The following PLB1 variants were observed in gnomAD, a reference collection of about 807,000 sequenced individuals.
The protein encoded by PLB1 is phospholipase B1, also known as phospholipase B1, membrane-associated.
In PLB1, 242 loss-of-function variants were observed where a neutral mutation model predicts 227.4. The ratio of observed to expected loss-of-function variants is 1.06; its 90% CI spans 0.96 to 1.18. The LOEUF (loss-of-function observed/expected upper bound fraction) is 1.18, where lower values mean the gene tolerates loss of function less well. Ranked by LOEUF, PLB1 falls within the 50% of genes most tolerant of loss-of-function variation. The pLI is 0.00. For missense variants in PLB1, 1,858 were observed against 1,816.3 expected (o/e 1.02, Z -0.42); for synonymous variants, 757 against 682.2 (o/e 1.11, Z -1.71).
intron 19 of PLB1, 27 bp from the exon 20 acceptor site, chr2:28,566,769 A>AT (rs1558777712): frequency 6.2e-7 from 1 of 1,613,528 alleles, no homozygotes; most frequent in East Asian, 2.2e-5. Flanking sequence ...TTAACCCTTC[A>AT]TTTTCTTTCT....
In PLB1 at chr2:28,601,469, C is replaced by CAACACACACACACACACACA. The variant is rs141173438; in HGVS notation, c.2607+137_2607+138insAACACACACACACACACACA. On this transcript the variant is annotated intron_variant, in intron 37 of 57. Transcript: ENST00000327757. ...ACCTATGTCTGCACATATACACATA[C>CAACACACACACACACACACA]CACACACACACACACACACACACAC... 3.7e-5 allele frequency: 22 copies of CAACACACACACACACACACA among 600,184 alleles called. No individual in the cohort carries two copies. In the African/African-American group the frequency reaches 3.7e-4, roughly 10 times the overall value. The allele number at this position is 600,184 out of a possible 1,614,324, so 37.2% of individuals were successfully genotyped here.
rs147097235 is a variant in PLB1, at chr2:28,585,811, C to T, written c.1784C>T (p.Ala595Val). Residue 595 changes from alanine (A) to valine (V), a missense_variant, in exon 26 of 58, where the codon GCT (alanine) becomes GTT (valine). Coordinates refer to ENST00000327757, the MANE Select transcript of PLB1 (RefSeq NM_153021.5). Reference sequence around the variant, plus strand: ...TTTGATGATAACTCAACAGAACTTGCTACCCTCATCGAATTCAACAAGAAG... The same window carrying T: ...TTTGATGATAACTCAACAGAACTTGTTACCCTCATCGAATTCAACAAGAAG... ...LKFDDNSTEL[A>V]TLIEFNKKFQ... The T allele has an allele frequency of 6.2e-7, 1 of 1,612,088 alleles. No individual in the cohort carries two copies. The highest frequency in any genetic ancestry group is 1.7e-5 in the Admixed American group (1 of 59,996).
At chr2:28,564,322 C>T (rs953956546) in intron 18 of PLB1, among the ~76,000 whole-genome samples, 2 of 152,194 alleles carry the variant, frequency 1.3e-5, no homozygotes, top group African/African-American at 4.8e-5. Flanking sequence ...GAGCCAGGAT[C>T]ACAAATCAGG....
At chr2:28,506,711 G>A (rs999534533) in intron 1 of PLB1, among the ~76,000 whole-genome samples, 1 of 152,160 alleles carries the variant, frequency 6.6e-6, no homozygotes, top group Non-Finnish European at 1.5e-5. Flanking sequence ...CATGACGCAA[G>A]TGGTATTTTG....
chr2:28,611,387 C>T (rs112765484), intron 43 of PLB1, among the ~76,000 whole-genome samples: 1 of 152,196 alleles, frequency 6.6e-6, no homozygotes, highest in African/African-American at 2.4e-5. Context: ...GGACTGACTC[C>T]AGCCCCTGGA....
At chr2:28,617,899 T>G (rs1686426411) in intron 45 of PLB1, 112 bp downstream of exon 45, 3 of 1,094,652 alleles carry the variant, frequency 2.7e-6, no homozygotes, top group Non-Finnish European at 4.2e-6. Flanking sequence ...CTAATTCCCC[T>G]GCAGTGCAGA....
At chr2:28,540,988 T>C (rs1672398565) in intron 12 of PLB1, among the ~76,000 whole-genome samples, 1 of 151,924 alleles carries the variant, frequency 6.6e-6, no homozygotes, top group African/African-American at 2.4e-5. Context: ...CTGGGCAACA[T>C]AGTGAAACCT....
intron 15 of PLB1, 52 bp from the exon 16 acceptor site, chr2:28,549,958 A>C: frequency 6.8e-7 from 1 of 1,469,090 alleles, no homozygotes; most frequent in South Asian, 1.2e-5. Context: ...CTGATAATTA[A>C]GGGATACAGA....
intron 50 of PLB1, 131 bp downstream of exon 50, chr2:28,625,239 G>T: frequency 1.2e-6 from 1 of 852,716 alleles, no homozygotes; most frequent in Non-Finnish European, 1.8e-6. Flanking sequence ...CCTCGGAGAA[G>T]CAGTCCTTAC....
intron 11 of PLB1, 35 bp from the exon 12 acceptor site, chr2:28,540,331 C>A (rs779177007): frequency 3.1e-6 from 5 of 1,590,488 alleles, no homozygotes; most frequent in Non-Finnish European, 4.3e-6. Context: ...CACACTGCCT[C>A]CCCTCTCTCA....
intron 21 of PLB1, among the ~76,000 whole-genome samples, chr2:28,577,693 T>C (rs1679211422): frequency 6.6e-6 from 1 of 152,060 alleles, no homozygotes. Context: ...ATACAAAAAT[T>C]AACTGGGTGT....
chr2:28,613,324 C>G (rs1357082476), intron 43 of PLB1, among the ~76,000 whole-genome samples: 1 of 152,210 alleles, frequency 6.6e-6, no homozygotes, highest in Non-Finnish European at 1.5e-5. Context: ...GCCCTGGGCC[C>G]GGTTGCTGTT....
intron 29 of PLB1, 148 bp downstream of exon 29, chr2:28,590,224 G>T (rs1357879420): frequency 8.3e-6 from 6 of 724,896 alleles, no homozygotes; most frequent in Non-Finnish European, 1.4e-5. Flanking sequence ...GCCCCATCTG[G>T]TTGTACTGAG....
intron 32 of PLB1, 156 bp downstream of exon 32, chr2:28,592,875 G>A (rs532494449): frequency 1.6e-5 from 10 of 643,434 alleles, no homozygotes; most frequent in African/African-American, 7.5e-5. Context: ...TTTGATTTGC[G>A]GCCACTTTCT....
chr2:28,510,417 G>C (rs1668096392), intron 1 of PLB1, among the ~76,000 whole-genome samples: 2 of 151,978 alleles, frequency 1.3e-5, no homozygotes, highest in South Asian at 4.1e-4. Context: ...TTCTGCCAAG[G>C]GGCAGCTTGC....
At chr2:28,596,038 C>G (rs1470515892) in intron 33 of PLB1, 1 of 152,148 alleles carries the variant, frequency 6.6e-6, no homozygotes, top group Admixed American at 6.5e-5. Flanking sequence ...TTCAAAGGAT[C>G]AAAATAAAAT....
intron 14 of PLB1, among the ~76,000 whole-genome samples, chr2:28,543,801 G>A (rs1034753816): frequency 7.2e-5 from 11 of 152,190 alleles, no homozygotes; most frequent in South Asian, 4.1e-4. Flanking sequence ...CATATCTAGC[G>A]CGCAGCTCGC....
chr2:28,636,334 G>A (rs955687136), intron 56 of PLB1, among the ~76,000 whole-genome samples: 1 of 152,184 alleles, frequency 6.6e-6, no homozygotes, highest in East Asian at 1.9e-4. Context: ...AAAGTGCTGG[G>A]ATTATAGGTG....
At chr2:28,565,195 T>G in intron 18 of PLB1, 85 bp from the exon 19 acceptor site, 2 of 1,230,906 alleles carry the variant, frequency 1.6e-6, no homozygotes, top group Non-Finnish European at 2.3e-6. Context: ...CTGGCCAGCA[T>G]AAGAACATAG....
Sources: gnomAD v4.1 joint callset for allele counts (sites outside exome capture counted in the v4.1 genomes callset) on GRCh38, gnomAD v4.1.1 for gene constraint, MANE v1.5 for transcripts, NCBI Gene and HGNC (gene_info 2026-07-23, HGNC 2026-07-21) for gene names.